MRPL1: variants seen among roughly 807,000 people sequenced by gnomAD.
MRPL1 encodes large ribosomal subunit protein uL1m.
Under a neutral mutation model 38.0 loss-of-function variants are expected in MRPL1, and 28 were observed. The observed-to-expected ratio is 0.74, with a 90% CI of 0.55 to 1.01. The LOEUF is 1.01. Among genes scored for constraint, MRPL1 ranks in the 50% least tolerant of loss-of-function variants. MRPL1 has a pLI of 0.00. For missense variants in MRPL1, 358 were observed against 389.8 expected, an observed-to-expected ratio of 0.92 and a Z score of 0.69; for synonymous variants, 123 against 126.7, an observed-to-expected ratio of 0.97 and a Z score of 0.20.
chr4:77,949,354 G>A (rs986129969), intron 7 of MRPL1, among the ~76,000 whole-genome samples: 2 of 152,180 alleles, frequency 1.3e-5, no homozygotes, highest in East Asian at 3.8e-4. Flanking sequence ...CTCTGTGTGA[G>A]ATATGTATTA....
Sources: allele counts gnomAD v4.1 joint callset (sites outside exome capture counted in the v4.1 genomes callset), GRCh38; gene constraint gnomAD v4.1.1; transcripts MANE v1.5; gene names NCBI Gene and HGNC (gene_info 2026-07-23, HGNC 2026-07-21).